The following IGF1R variants were observed in gnomAD, a reference collection of about 807,000 sequenced individuals.
IGF1R encodes insulin-like growth factor 1 receptor.
In IGF1R, 44 loss-of-function variants were observed where a neutral mutation model predicts 144.6. The observed-to-expected ratio is 0.30, with a 90% CI of 0.24 to 0.39. IGF1R has a LOEUF of 0.39. Ranked by LOEUF, IGF1R falls within the 10% of genes least tolerant of loss-of-function variation. IGF1R has a pLI of 1.00. For synonymous variants in IGF1R, 795 were observed against 722.8 expected (o/e 1.10, Z -1.60); for missense variants, 1,355 against 1,833.7 (o/e 0.74, Z 4.77).
intron 19 of IGF1R, among the ~76,000 whole-genome samples, chr15:98,944,441 G>A (rs1384779792): frequency 1.3e-5 from 2 of 152,216 alleles, no homozygotes; most frequent in Non-Finnish European, 2.9e-5. Context: ...CTCAGGCATT[G>A]ACAGCGCTTC....
chr15:98,755,638 G>C (rs1054370710), intron 2 of IGF1R, among the ~76,000 whole-genome samples: 1 of 134,682 alleles, frequency 7.4e-6, no homozygotes, highest in African/African-American at 2.7e-5. Flanking sequence ...AGAATTGCTT[G>C]AACCCAGGAG....
At chr15:98,896,629 C>A in intron 3 of IGF1R, 128 bp from the exon 4 acceptor site, 1 of 992,146 alleles carries the variant, frequency 1.0e-6, no homozygotes, top group South Asian at 1.4e-5. Context: ...CACATGAACA[C>A]TTCAAAACAG....
intron 2 of IGF1R, among the ~76,000 whole-genome samples, chr15:98,877,514 C>T (rs4246341): frequency 0.32 from 25,778 of 80,240 alleles, 2,904 homozygotes; most frequent in East Asian, 0.52. Flanking sequence ...TTTTTTTTTT[C>T]CCCAAAAAAT....
chr15:98,689,831 A>C (rs1438926700), intron 1 of IGF1R, among the ~76,000 whole-genome samples: 3 of 152,104 alleles, frequency 2.0e-5, no homozygotes. Flanking sequence ...GGTGTGAGTG[A>C]GGGCAGGGGC....
intron 1 of IGF1R, among the ~76,000 whole-genome samples, chr15:98,669,673 C>T (rs2052837786): frequency 6.6e-6 from 1 of 152,186 alleles, no homozygotes; most frequent in Non-Finnish European, 1.5e-5. Context: ...GTGGGTGAAA[C>T]ACTGACTTCC....
rs1455098969 is a variant in IGF1R at position 98,963,174 on chromosome 15, TTTTTTTTCTC to T, written c.*5734_*5743del. 4.4e-6 allele frequency: 1 copy of T among 228,012 alleles called. No individual in the cohort carries two copies. The highest frequency in any genetic ancestry group is 5.8e-5 in the Admixed American group (1 of 17,258). The allele number at this position is 228,012 out of a possible 1,614,324, so 14.1% of individuals were successfully genotyped here. A position where few individuals can be genotyped will look rare whatever the true frequency, so the allele number is the denominator to read the frequency against. The stretch of plus-strand genomic sequence containing the variant: ...TTGCCGAAAATAATTTAAAGACACT[TTTTTTTTCTC>T]TGTGTGTGCAAATGTGTGTTTGTGA... On this transcript the variant is annotated 3_prime_UTR_variant, in exon 21 of 21. Coordinates refer to ENST00000650285, the MANE Select transcript of IGF1R (RefSeq NM_000875.5).
chr15:98,758,986 A>G (rs933817295), intron 2 of IGF1R, among the ~76,000 whole-genome samples: 4 of 152,238 alleles, frequency 2.6e-5, no homozygotes, highest in East Asian at 1.9e-4. Context: ...GCCCTCAACT[A>G]TAAGAAAGTG....
intron 1 of IGF1R, among the ~76,000 whole-genome samples, chr15:98,683,729 GT>G (rs1177529905): frequency 2.6e-5 from 4 of 152,280 alleles, no homozygotes; most frequent in Non-Finnish European, 4.4e-5. Flanking sequence ...ATTGTTTAAA[GT>G]TTTTGTTTTT....
chr15:98,944,531 C>T (rs1260335937), intron 19 of IGF1R, among the ~76,000 whole-genome samples: 9 of 152,208 alleles, frequency 5.9e-5, no homozygotes, highest in Admixed American at 2.0e-4. Context: ...GGTTTCTCAG[C>T]GGTCCAGGCT....
At chr15:98,726,281 A>C (rs2054357785) in intron 2 of IGF1R, among the ~76,000 whole-genome samples, 1 of 152,160 alleles carries the variant, frequency 6.6e-6, no homozygotes, top group Admixed American at 6.5e-5. Context: ...TTTCCTGCCC[A>C]TTACTCTCCC....
rs2015509334 is a variant in IGF1R, at chr15:98,922,027, A to G, written c.2202-121A>G. On this transcript the variant is annotated intron_variant, in intron 10 of 20. Coordinates refer to ENST00000650285, the MANE Select transcript of IGF1R (RefSeq NM_000875.5). The stretch of plus-strand genomic sequence containing the variant: ...CTGTGTTATTCATGAGTTCTTACCT[A>G]AGGGGGCTCAATAGCTCCTTCTATT... The G allele has an allele frequency of 5.8e-6, 6 of 1,027,676 alleles. No homozygotes were observed. In the East Asian group the frequency reaches 1.2e-4, roughly 21 times the overall value. 63.7% of individuals were successfully genotyped at this position (1,027,676 alleles called of 1,614,324 possible). A position where few individuals can be genotyped will look rare whatever the true frequency, so the allele number is the denominator to read the frequency against.
chr15:98,922,035 T>C, intron 10 of IGF1R, 113 bp from the exon 11 acceptor site: 1 of 1,147,110 alleles, frequency 8.7e-7, no homozygotes. Context: ...CTAAGGGGGC[T>C]CAATAGCTCC....
At chr15:98,730,629 C>G (rs140105072) in intron 2 of IGF1R, among the ~76,000 whole-genome samples, 56 of 152,234 alleles carry the variant, frequency 3.7e-4, no homozygotes, top group African/African-American at 1.3e-3. Flanking sequence ...ATGGCTACCC[C>G]CTGAGGACTG....
chr15:98,946,325 A>G (rs779363662), intron 19 of IGF1R, among the ~76,000 whole-genome samples: 9 of 152,000 alleles, frequency 5.9e-5, no homozygotes, highest in Non-Finnish European at 1.0e-4. Flanking sequence ...AGAGATCAAG[A>G]CAGGCCTCAG....
At chr15:98,753,732 C>G (rs2055080335) in intron 2 of IGF1R, among the ~76,000 whole-genome samples, 1 of 152,082 alleles carries the variant, frequency 6.6e-6, no homozygotes, top group Non-Finnish European at 1.5e-5. Context: ...ATTAATGTTT[C>G]TTACAGATGG....
At chr15:98,772,515 T>TATTATTATTGTTA (rs1567121473) in intron 2 of IGF1R, among the ~76,000 whole-genome samples, 1 of 146,522 alleles carries the variant, frequency 6.8e-6, no homozygotes. Context: ...TTATTATTAT[T>TATTATTATTGTTA]TTAAGAATTA....
intron 20 of IGF1R, among the ~76,000 whole-genome samples, chr15:98,955,609 T>TCTCCCTCACACCCAGGCC (rs1258071181): frequency 6.6e-6 from 1 of 152,142 alleles, no homozygotes; most frequent in African/African-American, 2.4e-5. Context: ...TCTGGATGGC[T>TCTCCCTCACACCCAGGCC]CTCCCTCACA....
intron 2 of IGF1R, among the ~76,000 whole-genome samples, chr15:98,768,959 A>ACAACAACAC (rs1043053810): frequency 9.2e-6 from 1 of 108,386 alleles, no homozygotes; most frequent in African/African-American, 3.2e-5. Context: ...AACAACAACA[A>ACAACAACAC]CACCTCACAA....
chr15:98,930,374 C>A, intron 15 of IGF1R, 69 bp downstream of exon 15: 1 of 1,094,648 alleles, frequency 9.1e-7, no homozygotes, highest in Non-Finnish European at 1.4e-6. Flanking sequence ...AGGAGGGTTG[C>A]TAATTTGGGA....
Sources: gnomAD v4.1 joint callset for allele counts (sites outside exome capture counted in the v4.1 genomes callset) on GRCh38, gnomAD v4.1.1 for gene constraint, MANE v1.5 for transcripts, NCBI Gene and HGNC (gene_info 2026-07-23, HGNC 2026-07-21) for gene names.